PAF1: variants seen among roughly 807,000 people sequenced by gnomAD.
PAF1 encodes the protein PAF1 component of Paf1/RNA polymerase II complex, also known as RNA polymerase II-associated factor 1 homolog.
In PAF1, 31 loss-of-function variants were observed where a neutral mutation model predicts 68.4. The ratio of observed to expected loss-of-function variants is 0.45; its 90% CI spans 0.34 to 0.61. The LOEUF is 0.61. Ranked by LOEUF, PAF1 falls within the 20% of genes least tolerant of loss-of-function variation. PAF1 has a pLI of 0.01. For missense variants in PAF1, 435 were observed against 692.9 expected (o/e 0.63, Z 4.18); for synonymous variants, 256 against 240.5 (o/e 1.06, Z -0.60).
Position 39,389,758 on chromosome 19 carries a change from G to A in PAF1, c.174C>T (p.Phe58=), listed in dbSNP as rs2078332585. Residue 58 remains phenylalanine, a synonymous_variant, in exon 4 of 14, where the codon TTC becomes TTT. Coordinates refer to ENST00000221265, the MANE Select transcript of PAF1 (RefSeq NM_019088.4). This position sits in a 1 kb window ranked among gnomAD's most constrained non-coding sequence, Gnocchi z 5.3. ...CCAAGGAAGTGGCTTTGTACTGGAC[G>A]AACCTGGGTGGGGAAACACCTATTG... is the stretch of plus-strand genomic sequence containing the variant. ...FITYPFDQNR[F]VQYKATSLEK... 2 of 1,614,092 alleles carry A rather than the reference G, an allele frequency of 1.2e-6. No individual in the cohort carries two copies. Among genetic ancestry groups the A allele is most frequent in the Non-Finnish European group, 1.7e-6 (2 of 1,180,014 alleles).
rs10422634 is a variant in PAF1 at position 39,389,442 on chromosome 19, C to G, written c.359+38G>C. ...CTGCCCTCCTGCTTGTAGGGCCCAC[C>G]TGAGCCAGTCTCCAGTACCCATTTG... On this transcript the variant is annotated intron_variant, in intron 5 of 13. Coordinates refer to ENST00000221265, the MANE Select transcript of PAF1 (RefSeq NM_019088.4). This position sits in a 1 kb window ranked among gnomAD's most constrained non-coding sequence, Gnocchi z 5.3. 382 of 1,611,610 alleles carry G rather than the reference C, an allele frequency of 2.4e-4. 1 individual carries two copies. In the African/African-American group the frequency reaches 4.3e-3, roughly 18 times the overall value.
chr19:39,390,369 A>G, intron 1 of PAF1, 80 bp from the exon 2 acceptor site: 1 of 1,334,342 alleles, frequency 7.5e-7, no homozygotes, highest in Non-Finnish European at 1.0e-6. Flanking sequence ...CCAACCTTTC[A>G]AAAGGTAGGA....
In PAF1 at chr19:39,385,861, G is replaced by T. The variant is rs1600603234; in HGVS notation, c.*130C>A. The T allele has an allele frequency of 1.5e-6, 2 of 1,374,948 alleles. No individual in the cohort carries two copies. The highest frequency in any genetic ancestry group is 2.0e-6 in the Non-Finnish European group (2 of 1,023,642). The allele number at this position is 1,374,948 out of a possible 1,614,324, so 85.2% of individuals were successfully genotyped here. On this transcript the variant is annotated 3_prime_UTR_variant, in exon 14 of 14. Coordinates refer to ENST00000221265, the MANE Select transcript of PAF1 (RefSeq NM_019088.4). ...GGGCTGGGAGGGGAAGTAAAGAGAA[G>T]TTGACTTTATTAACAGCAAAGGTTT...
At position 39,388,892 on chromosome 19, in the gene PAF1, G is replaced by T. The variant is rs373773927; in HGVS notation, c.637-27C>A. The T allele has an allele frequency of 1.9e-5, 30 of 1,611,660 alleles. No homozygotes were observed. In the African/African-American group the frequency reaches 2.9e-4, roughly 16 times the overall value. On this transcript the variant is annotated intron_variant, in intron 8 of 13. Transcript: ENST00000221265. ...TAGGGAGATGGAGGCACTGGGGTTA[G>T]ATGGGAACAGGCACAAATAGGCTGT...
chr19:39,387,711 TCATTTAAAA>T (rs1196100563), intron 11 of PAF1, among the ~76,000 whole-genome samples: 2 of 152,244 alleles, frequency 1.3e-5, no homozygotes, highest in Non-Finnish European at 2.9e-5. Context: ...TTTAAGCATT[TCATTTAAAA>T]CATTCATGCT....
intron 11 of PAF1, 73 bp downstream of exon 11, chr19:39,388,266 A>C: frequency 1.3e-6 from 2 of 1,489,880 alleles, no homozygotes; most frequent in Non-Finnish European, 1.9e-6. Context: ...ATGACCTCCA[A>C]GGTGGCTCTT....
chr19:39,390,304 A>C lies in PAF1; in HGVS notation c.48-15T>G. Reference sequence around the variant, plus strand: ...GGGAATTGGGCCTAGTGGAGAAGAAAGAAACAGTGATAGGTGGAGAGGACG... The same window carrying C: ...GGGAATTGGGCCTAGTGGAGAAGAACGAAACAGTGATAGGTGGAGAGGACG... On this transcript the variant is annotated splice_polypyrimidine_tract_variant and intron_variant, in intron 1 of 13. Transcript: ENST00000221265. The C allele has an allele frequency of 6.2e-7, 1 of 1,607,796 alleles. No homozygotes were observed. Among genetic ancestry groups the C allele is most frequent in the Non-Finnish European group, 8.5e-7 (1 of 1,176,886 alleles).
rs544125361 is a variant in PAF1, at chr19:39,388,574, A to G, written c.843T>C (p.Tyr281=). ...AACCCACGCACACATCATCTGGTGC[A>G]TAGTCCATCTCCTCCTCCTGGTCCC... ...RKRDQEEEMD[Y]APDDVYDYKI... Residue 281 remains tyrosine (Y), a synonymous_variant, in exon 10 of 14, where the codon TAT becomes TAC. Coordinates refer to ENST00000221265, the MANE Select transcript of PAF1 (RefSeq NM_019088.4). 8.7e-6 allele frequency: 14 copies of G among 1,613,822 alleles called. No individual in the cohort carries two copies. Among genetic ancestry groups the G allele is most frequent in the African/African-American group, 1.3e-5 (1 of 75,046 alleles).
chr19:39,389,417 C>A lies in PAF1; in HGVS notation c.360-34G>T, dbSNP rs1283094987. 2 of 1,610,886 alleles carry A rather than the reference C, an allele frequency of 1.2e-6. No homozygotes were observed. The highest frequency in any genetic ancestry group is 2.7e-5 in the African/African-American group (2 of 74,970). On this transcript the variant is annotated intron_variant, in intron 5 of 13. Coordinates refer to ENST00000221265, the MANE Select transcript of PAF1 (RefSeq NM_019088.4). This position sits in a 1 kb window ranked among gnomAD's most constrained non-coding sequence, Gnocchi z 5.3. ...GGAAATCAGGTATCTCAGGACCCCACTGCCCTCCTGCTTGTAGGGCCCACC... is the reference window on the plus strand; with the variant it reads ...GGAAATCAGGTATCTCAGGACCCCAATGCCCTCCTGCTTGTAGGGCCCACC...
chr19:39,388,141 A>C (rs2145930809), intron 11 of PAF1, among the ~76,000 whole-genome samples, 198 bp downstream of exon 11: 1 of 151,684 alleles, frequency 6.6e-6, no homozygotes, highest in African/African-American at 2.4e-5. Flanking sequence ...ACTCCATCTC[A>C]AAAAAAAAGA....
rs764111149 is a variant in PAF1, at chr19:39,388,658, T to C, written c.759A>G (p.Glu253=). 1 of 1,614,148 alleles carries C rather than the reference T, an allele frequency of 6.2e-7. No individual in the cohort carries two copies. The highest frequency in any genetic ancestry group is 2.2e-5 in the East Asian group (1 of 44,888). ...GGAAATAGGCCACAAACTGGTTCCC[T>C]TCCTCATCCATCATGCCCCTGGTTG... is the stretch of plus-strand genomic sequence containing the variant. ...QAMIRGMMDE[E]GNQFVAYFLP... Residue 253 remains glutamate (E), a synonymous_variant, in exon 10 of 14, where the codon GAA becomes GAG. Transcript: ENST00000221265.
chr19:39,388,600 G>T lies in PAF1; in HGVS notation c.817C>A (p.Arg273=). The stretch of plus-strand genomic sequence containing the variant: ...TAGTCCATCTCCTCCTCCTGGTCCC[G>T]CTTTCGTTTCTTCAACGTCTCTTCT... ...PVEETLKKRK[R]DQEEEMDYAP... is the part of the protein sequence containing the mutation. Residue 273 remains arginine (R), a synonymous_variant, in exon 10 of 14, where the codon CGG becomes AGG. Coordinates refer to ENST00000221265, the MANE Select transcript of PAF1 (RefSeq NM_019088.4). 6.2e-7 allele frequency: 1 copy of T among 1,614,004 alleles called. No homozygotes were observed. Among genetic ancestry groups the T allele is most frequent in the African/African-American group, 1.3e-5 (1 of 74,994 alleles).
At position 39,386,373 on chromosome 19, in the gene PAF1, T is replaced by C; in HGVS notation, c.1214A>G (p.Glu405Gly). 2 of 1,614,136 alleles carry C rather than the reference T, an allele frequency of 1.2e-6. No individual in the cohort carries two copies. The highest frequency in any genetic ancestry group is 1.7e-6 in the Non-Finnish European group (2 of 1,180,020). Reference protein sequence around the residue: ...DEEQEKGSSSEKEGSEDEHSG... With the variant: ...DEEQEKGSSSGKEGSEDEHSG... Reference sequence around the variant, plus strand: ...GTGCTCATCTTCACTGCCCTCCTTCTCACTGCTGCTGCCCTTCTCCTGCTC... The same window carrying C: ...GTGCTCATCTTCACTGCCCTCCTTCCCACTGCTGCTGCCCTTCTCCTGCTC... The change falls in exon 14 of 14, where the codon GAG becomes GGG. Residue 405 changes from glutamate to glycine, a missense_variant. By Grantham distance (98) the Glu-to-Gly change is moderately conservative. Coordinates refer to ENST00000221265, the MANE Select transcript of PAF1 (RefSeq NM_019088.4). This position sits in a 1 kb window ranked among gnomAD's most constrained non-coding sequence, Gnocchi z 6.1.
rs190641515 is a variant in PAF1 at position 39,388,934 on chromosome 19, C to G, written c.636+13G>C. 1 of 1,613,956 alleles carries G rather than the reference C, an allele frequency of 6.2e-7. No individual in the cohort carries two copies. The highest frequency in any genetic ancestry group is 2.2e-5 in the East Asian group (1 of 44,886). Reference sequence around the variant, plus strand: ...ATAGGCTGTCCCTTTCTACCTCCCACCTTGGGCCTGACCTTAAAGTCTGGG... The same window carrying G: ...ATAGGCTGTCCCTTTCTACCTCCCAGCTTGGGCCTGACCTTAAAGTCTGGG... On this transcript the variant is annotated intron_variant, in intron 8 of 13. Coordinates refer to ENST00000221265, the MANE Select transcript of PAF1 (RefSeq NM_019088.4).
chr19:39,390,502 C>T (rs1045816948), intron 1 of PAF1, among the ~76,000 whole-genome samples: 2 of 152,154 alleles, frequency 1.3e-5, no homozygotes, highest in Admixed American at 6.5e-5. Context: ...ATGAACAAGG[C>T]CAAGTGCTCA....
rs996075232 is a variant in PAF1 at position 39,385,802 on chromosome 19, C to T, written c.*189G>A. 4.9e-6 allele frequency: 4 copies of T among 812,130 alleles called. No individual in the cohort carries two copies. Among genetic ancestry groups the T allele is most frequent in the Admixed American group, 5.8e-5 (2 of 34,298 alleles). 50.3% of individuals were successfully genotyped at this position (812,130 alleles called of 1,614,324 possible). On this transcript the variant is annotated 3_prime_UTR_variant, in exon 14 of 14. Coordinates refer to ENST00000221265, the MANE Select transcript of PAF1 (RefSeq NM_019088.4). ...AAGATCCTTGAGCACCTGGGGGTTG[C>T]GGGAGGTATGTGCTGGGCTGAATGA... is the stretch of plus-strand genomic sequence containing the variant.
Position 39,389,052 on chromosome 19 carries a change from A to G in PAF1, c.568-37T>C, listed in dbSNP as rs1568374469. 3 of 1,612,768 alleles carry G rather than the reference A, an allele frequency of 1.9e-6. No individual in the cohort carries two copies. The highest frequency in any genetic ancestry group is 1.1e-5 in the South Asian group (1 of 91,054). On this transcript the variant is annotated intron_variant, in intron 7 of 13. Coordinates refer to ENST00000221265, the MANE Select transcript of PAF1 (RefSeq NM_019088.4). The surrounding 1 kb of genome is among the most constrained non-coding windows in gnomAD (Gnocchi z 5.3). Reference sequence around the variant, plus strand: ...AAAACAAGGTGAGGAGGAGCTCTGCAGCCGCACCCTTGCCTCTCCCCATCC... The same window carrying G: ...AAAACAAGGTGAGGAGGAGCTCTGCGGCCGCACCCTTGCCTCTCCCCATCC...
Position 39,388,566 on chromosome 19 carries a change from T to C in PAF1, c.851A>G (p.Asp284Gly). 1 of 1,613,316 alleles carries C rather than the reference T, an allele frequency of 6.2e-7. No homozygotes were observed. Among genetic ancestry groups the C allele is most frequent in the Non-Finnish European group, 8.5e-7 (1 of 1,179,256 alleles). Residue 284 changes from aspartate (D) to glycine (G), a missense_variant, in exon 10 of 14, where the codon GAT becomes GGT. By Grantham distance (94) the Asp-to-Gly change is moderately conservative. Around this residue, in one of 7 missense-constraint regions of PAF1, gnomAD observed 151 missense variants for 306.3 expected, o/e 0.49. Transcript: ENST00000221265. The part of the protein sequence containing the change: ...DQEEEMDYAP[D>G]DVYDYKIARE... ...TTAACCGCAACCCACGCACACATCA[T>C]CTGGTGCATAGTCCATCTCCTCCTC...
In PAF1 at chr19:39,388,773, C is replaced by T; in HGVS notation, c.729G>A (p.Gln243=). 3.7e-6 allele frequency: 6 copies of T among 1,614,032 alleles called. No homozygotes were observed. Among genetic ancestry groups the T allele is most frequent in the Non-Finnish European group, 5.1e-6 (6 of 1,179,884 alleles). Residue 243 remains glutamine, a synonymous_variant, in exon 9 of 14, where the codon CAG becomes CAA. Transcript: ENST00000221265. ...GCAGGACCACCTACCTAATCATGGCCTGAGACATCATCTCCAACGCAGCTG... is the reference window on the plus strand; with the variant it reads ...GCAGGACCACCTACCTAATCATGGCTTGAGACATCATCTCCAACGCAGCTG... The part of the protein sequence containing the change: ...SGAAALEMMS[Q]AMIRGMMDEE...
Sources: gnomAD v4.1 joint callset for allele counts (sites outside exome capture counted in the v4.1 genomes callset) on GRCh38, gnomAD v4.1.1 for gene constraint, gnomAD v4.1.1 regional missense constraint, Gnocchi (gnomAD v3.1) non-coding constraint, MANE v1.5 for transcripts, NCBI Gene and HGNC (gene_info 2026-07-23, HGNC 2026-07-21) for gene names.